CLTCL1: variants seen among roughly 807,000 people sequenced by gnomAD.
CLTCL1 encodes the protein clathrin heavy chain like 1.
CLTCL1 carries 159 observed loss-of-function variants against 190.0 expected under a neutral mutation model. The ratio of observed to expected loss-of-function variants is 0.84; its 90% CI spans 0.74 to 0.95. CLTCL1 has a LOEUF of 0.95. Among genes scored for constraint, CLTCL1 ranks in the 40% least tolerant of loss-of-function variants. The probability of loss-of-function intolerance (pLI) is 0.00; values close to 1 mark genes in which losing one functional copy is unlikely to be tolerated. For synonymous variants in CLTCL1, 752 were observed against 769.6 expected, an observed-to-expected ratio of 0.98 and a Z score of 0.38; for missense variants, 1,878 against 2,033.4, an observed-to-expected ratio of 0.92 and a Z score of 1.47.
intron 26 of CLTCL1, 36 bp downstream of exon 26, chr22:19,196,230 G>A (rs782157960): frequency 2.5e-6 from 4 of 1,599,050 alleles, no homozygotes; most frequent in East Asian, 2.2e-5. Context: ...GCCTGGCAGA[G>A]GCTGGCAGGA....
intron 19 of CLTCL1, among the ~76,000 whole-genome samples, chr22:19,213,663 G>C (rs1207822974): frequency 6.6e-6 from 1 of 152,150 alleles, no homozygotes; most frequent in Non-Finnish European, 1.5e-5. Context: ...ATCACGCTGG[G>C]TGAAAGAAGC....
At chr22:19,258,478 A>G in intron 2 of CLTCL1, 2 of 459,618 alleles carry the variant, frequency 4.4e-6, no homozygotes, top group Admixed American at 2.8e-5. Context: ...ATCAGCTTGG[A>G]GAACAGCCTA....
chr22:19,271,794 G>C (rs2087330203), intron 2 of CLTCL1, among the ~76,000 whole-genome samples: 2 of 152,086 alleles, frequency 1.3e-5, no homozygotes, highest in Non-Finnish European at 1.5e-5. Flanking sequence ...GTTTTGTTTT[G>C]TTTTTACAAC....
At chr22:19,249,911 A>G (rs2086537835) in intron 3 of CLTCL1, 1 of 435,052 alleles carries the variant, frequency 2.3e-6, no homozygotes, top group South Asian at 1.6e-5. Flanking sequence ...CTTTAGAATG[A>G]CTGATGGTAT....
In CLTCL1 at chr22:19,229,775, C is replaced by T. The variant is rs1402653479; in HGVS notation, c.1782+63G>A. ...CAGTCCAAAGCCACTGTGCTCAAGTCTGCAAACCCAGAGAGGTGCCACAGG... is the reference window on the plus strand; with the variant it reads ...CAGTCCAAAGCCACTGTGCTCAAGTTTGCAAACCCAGAGAGGTGCCACAGG... On this transcript the variant is annotated intron_variant, in intron 11 of 32. Transcript: ENST00000427926. The T allele has an allele frequency of 2.7e-6, 4 of 1,501,160 alleles. No homozygotes were observed. In the African/African-American group the frequency reaches 4.3e-5, roughly 16 times the overall value. The allele number at this position is 1,501,160 out of a possible 1,614,324, so 93.0% of individuals were successfully genotyped here.
At chr22:19,234,389 A>C (rs1039148495) in intron 7 of CLTCL1, 120 bp downstream of exon 7, 105 of 914,234 alleles carry the variant, frequency 1.1e-4, no homozygotes, top group Non-Finnish European at 3.4e-5. Context: ...TAAACTAAAA[A>C]CTCCTAACAT....
At chr22:19,281,476 T>G (rs1294720614) in intron 1 of CLTCL1, among the ~76,000 whole-genome samples, 2 of 152,220 alleles carry the variant, frequency 1.3e-5, no homozygotes, top group East Asian at 3.9e-4. Flanking sequence ...GAGTTCTCTC[T>G]TGGTGACACA....
chr22:19,218,968 G>A (rs559156128), intron 18 of CLTCL1, among the ~76,000 whole-genome samples: 3 of 152,266 alleles, frequency 2.0e-5, no homozygotes, highest in Admixed American at 1.3e-4. Context: ...CACGAGGGCT[G>A]AGCTGGGCCC....
At chr22:19,236,389 G>A (rs534904277) in intron 5 of CLTCL1, among the ~76,000 whole-genome samples, 2 of 152,166 alleles carry the variant, frequency 1.3e-5, no homozygotes, top group Admixed American at 6.5e-5. Context: ...GACCTCAAAC[G>A]CCAAGATGAT....
Position 19,239,309 on chromosome 22 carries a change from G to A in CLTCL1, c.761C>T (p.Pro254Leu). ...CACTGGAAAATCATTCTGTGCCTCT[G>A]GAGGAAAAAACACATCTACTGCTTT... Reference protein sequence around the residue: ...VKKAVDVFFPPEAQNDFPVAM... With the variant: ...VKKAVDVFFPLEAQNDFPVAM... The change falls in exon 5 of 33, where the codon CCA becomes CTA. Residue 254 changes from proline to leucine, a missense_variant. Physicochemically the swap from Pro to Leu is moderately conservative, Grantham distance 98. Transcript: ENST00000427926. The A allele has an allele frequency of 6.2e-7, 1 of 1,613,922 alleles. No homozygotes were observed. The highest frequency in any genetic ancestry group is 1.1e-5 in the South Asian group (1 of 91,084).
intron 2 of CLTCL1, among the ~76,000 whole-genome samples, chr22:19,270,684 G>A (rs1005870631): frequency 6.6e-5 from 9 of 135,928 alleles, no homozygotes; most frequent in Non-Finnish European, 9.1e-5. Context: ...CCAAGACCAT[G>A]CCACTGCACT....
chr22:19,201,645 C>T (rs577598975), intron 22 of CLTCL1, among the ~76,000 whole-genome samples, 152 bp from the exon 23 acceptor site: 4 of 152,184 alleles, frequency 2.6e-5, no homozygotes, highest in Non-Finnish European at 4.4e-5. Flanking sequence ...TGAAGTTGGC[C>T]TTGGCTTTCT....
intron 16 of CLTCL1, 138 bp downstream of exon 16, chr22:19,221,813 T>G (rs572788707): frequency 2.8e-6 from 3 of 1,060,290 alleles, no homozygotes; most frequent in South Asian, 3.2e-5. Flanking sequence ...ACAGTACCAA[T>G]AGCAAGTAAC....
intron 11 of CLTCL1, 48 bp from the exon 12 acceptor site, chr22:19,226,431 T>C (rs1230186690): frequency 1.9e-6 from 3 of 1,605,820 alleles, no homozygotes; most frequent in African/African-American, 1.3e-5. Context: ...TGGCAATAAC[T>C]TTTTAAGACC....
chr22:19,274,196 T>G (rs782452855), intron 2 of CLTCL1, among the ~76,000 whole-genome samples: 2 of 152,164 alleles, frequency 1.3e-5, no homozygotes, highest in Non-Finnish European at 2.9e-5. Flanking sequence ...GTACAGTGGC[T>G]CATGCCTATA....
rs141880099 is a variant in CLTCL1 at position 19,264,456 on chromosome 22, T to C, written c.251-10229A>G. Among the ~76,000 whole-genome samples the C allele has an allele frequency of 2.9e-3, 444 of 152,134 alleles. 2 individuals carry two copies. The highest frequency in any genetic ancestry group is 9.5e-3 in the African/African-American group (393 of 41,506). On this transcript the variant is annotated intron_variant, in intron 2 of 32. Transcript: ENST00000427926. ...ACTTGTGGGTATAGAATTAAAAGGA[T>C]TAAAAACAGGTTCCCCAAAAGACAT...
At position 19,210,426 on chromosome 22, in the gene CLTCL1, T is replaced by C. The variant is rs549177073; in HGVS notation, c.3149A>G (p.Tyr1050Cys). Residue 1050 changes from tyrosine (Y) to cysteine (C), a missense_variant, in exon 20 of 33, where the codon TAT (tyrosine) becomes TGT (cysteine). Tyr to Cys is a radical substitution (Grantham distance 194, BLOSUM62 -2). Transcript: ENST00000427926. ...VMEYISRLDNYDALDIASIAV... is the reference protein window; with the variant it reads ...VMEYISRLDNCDALDIASIAV... ...GATGCTCGCGATGTCCAGTGCGTCA[T>C]AGTTGTCCAGGCGGCTGATGTACTC... The C allele has an allele frequency of 1.2e-5, 20 of 1,614,042 alleles. No individual in the cohort carries two copies. The highest frequency in any genetic ancestry group is 6.7e-5 in the African/African-American group (5 of 75,068).
At chr22:19,222,521 T>C (rs1378339084) in intron 15 of CLTCL1, among the ~76,000 whole-genome samples, 163 bp downstream of exon 15, 1 of 152,222 alleles carries the variant, frequency 6.6e-6, no homozygotes, top group Non-Finnish European at 1.5e-5. Context: ...TTCAGCTGCC[T>C]GGACTGTGGT....
chr22:19,250,903 G>T (rs2086572224), intron 3 of CLTCL1, among the ~76,000 whole-genome samples: 1 of 152,104 alleles, frequency 6.6e-6, no homozygotes, highest in Non-Finnish European at 1.5e-5. Context: ...TTAAAATTGG[G>T]AAGTATAAGT....
Sources: gnomAD v4.1 joint callset for allele counts (sites outside exome capture counted in the v4.1 genomes callset) on GRCh38, gnomAD v4.1.1 for gene constraint, MANE v1.5 for transcripts, NCBI Gene and HGNC (gene_info 2026-07-23, HGNC 2026-07-21) for gene names.